Variants in ARID2 observed in about 807,000 individuals in gnomAD.
ARID2 encodes AT-rich interaction domain 2.
A neutral mutation model predicts 184.6 loss-of-function variants in ARID2; 32 were observed. The ratio of observed to expected loss-of-function variants is 0.17; its 90% confidence interval spans 0.13 to 0.23. The LOEUF is 0.23. Ranked by LOEUF, ARID2 falls within the 10% of genes least tolerant of loss-of-function variation. ARID2 has a pLI of 1.00. For missense variants in ARID2, 1,696 were observed against 2,197.6 expected, an observed-to-expected ratio of 0.77 and a Z score of 4.56; for synonymous variants, 836 against 772.6, an observed-to-expected ratio of 1.08 and a Z score of -1.36.
At chr12:45,863,323 C>T (rs1565629434) in intron 16 of ARID2, among the ~76,000 whole-genome samples, 1 of 152,278 alleles carries the variant, frequency 6.6e-6, no homozygotes, top group Middle Eastern at 3.4e-3. Context: ...AGAAATGGCT[C>T]TTATTCATAT....
rs574752910 is a variant in ARID2 at position 45,902,312 on chromosome 12, ATTAG to A, written c.5364-2618_5364-2615del. On this transcript the variant is annotated intron_variant, in intron 20 of 20. Coordinates refer to ENST00000334344, the MANE Select transcript of ARID2 (RefSeq NM_152641.4). Reference sequence around the variant, plus strand: ...AAACATTTATATCAAAAAGGAAATTATTAGTTACTTTAAAATCATCCTAGTGATT... The same window carrying A: ...AAACATTTATATCAAAAAGGAAATTATTACTTTAAAATCATCCTAGTGATT... 1.5e-3 allele frequency among the ~76,000 whole-genome samples: 229 copies of A among 152,312 alleles called. 2 individuals are homozygous for A. The highest frequency in any genetic ancestry group is 4.9e-3 in the African/African-American group (205 of 41,576).
rs1265181973 is a variant in ARID2, at chr12:45,790,842, GA to G, written c.285-20575del. ...AGAAAAACTTCCATCATTTAGATAT[GA>G]TTTTTTTTAATAATTCCCTTTATCA... On this transcript the variant is annotated intron_variant, in intron 3 of 20. Transcript: ENST00000334344. Among the ~76,000 whole-genome samples the G allele has an allele frequency of 9.2e-5, 14 of 152,228 alleles. No homozygotes were observed. In the East Asian group the frequency reaches 2.1e-3, roughly 23 times the overall value.
intron 6 of ARID2, among the ~76,000 whole-genome samples, chr12:45,835,483 C>A (rs987257848): frequency 6.6e-6 from 1 of 150,848 alleles, no homozygotes; most frequent in Non-Finnish European, 1.5e-5. Context: ...TTTTAAATGC[C>A]TAAGAACTTT....
At chr12:45,861,353 T>G (rs1488207268) in intron 16 of ARID2, among the ~76,000 whole-genome samples, 1 of 152,170 alleles carries the variant, frequency 6.6e-6, no homozygotes, top group African/African-American at 2.4e-5. Context: ...AGAGAATGAC[T>G]TGTCTTGAAT....
At chr12:45,782,117 A>G (rs1942103220) in intron 3 of ARID2, among the ~76,000 whole-genome samples, 1 of 152,178 alleles carries the variant, frequency 6.6e-6, no homozygotes, top group South Asian at 2.1e-4. Flanking sequence ...ATTTAAAAAG[A>G]TGACTTGTGA....
intron 20 of ARID2, among the ~76,000 whole-genome samples, chr12:45,904,617 G>A (rs1486817626): frequency 2.0e-5 from 3 of 151,456 alleles, no homozygotes; most frequent in African/African-American, 7.3e-5. Flanking sequence ...CTTGAACCCG[G>A]GAGGTGGAGG....
Position 45,821,526 on chromosome 12 carries a change from C to T in ARID2, c.705+39C>T, listed in dbSNP as rs773021082. On this transcript the variant is annotated intron_variant, in intron 6 of 20. Coordinates refer to ENST00000334344, the MANE Select transcript of ARID2 (RefSeq NM_152641.4). ...ATTAAAATGTTGATTCATTGAGTTA[C>T]ATGCAGCTAAGCCAACAATAGATCA... The T allele has an allele frequency of 2.3e-6, 3 of 1,332,224 alleles. No individual in the cohort carries two copies. In the East Asian group the frequency reaches 7.9e-5, roughly 35 times the overall value. 82.5% of individuals were successfully genotyped at this position (1,332,224 alleles called of 1,614,324 possible).
At chr12:45,766,497 G>T (rs1941772152) in intron 3 of ARID2, among the ~76,000 whole-genome samples, 1 of 150,464 alleles carries the variant, frequency 6.6e-6, no homozygotes, top group Admixed American at 6.6e-5. Context: ...AAATGATGGA[G>T]AGTAGATTTT....
In ARID2 at chr12:45,837,719, C is replaced by T. The variant is rs2138133077; in HGVS notation, c.1330+12C>T. The T allele has an allele frequency of 6.2e-7, 1 of 1,601,234 alleles. No individual in the cohort carries two copies. The highest frequency in any genetic ancestry group is 8.5e-7 in the Non-Finnish European group (1 of 1,171,056). ...AGAAAAGAGCATAGGTAAGACTGGA[C>T]CAAAAAACACTTATTTTCTTTATTG... On this transcript the variant is annotated intron_variant, in intron 10 of 20. Coordinates refer to ENST00000334344, the MANE Select transcript of ARID2 (RefSeq NM_152641.4).
intron 16 of ARID2, among the ~76,000 whole-genome samples, chr12:45,890,762 T>G (rs1434021756): frequency 6.6e-6 from 1 of 152,162 alleles, no homozygotes; most frequent in Non-Finnish European, 1.5e-5. Context: ...GGAATATTAA[T>G]TTGGGATACT....
chr12:45,788,259 C>T (rs1037298422), intron 3 of ARID2, among the ~76,000 whole-genome samples: 8 of 152,252 alleles, frequency 5.3e-5, no homozygotes, highest in African/African-American at 1.7e-4. Flanking sequence ...TTATTACATG[C>T]ATAGCAACTT....
At chr12:45,755,479 T>C (rs1243654860) in intron 3 of ARID2, among the ~76,000 whole-genome samples, 1 of 152,242 alleles carries the variant, frequency 6.6e-6, no homozygotes, top group Non-Finnish European at 1.5e-5. Flanking sequence ...CTTCAGAATC[T>C]GTGGTATCTT....
intron 3 of ARID2, among the ~76,000 whole-genome samples, chr12:45,758,540 A>G (rs1209767171): frequency 3.3e-5 from 5 of 152,240 alleles, no homozygotes; most frequent in African/African-American, 1.2e-4. Context: ...GTTAGGCTAC[A>G]GGTTTTATAG....
chr12:45,881,762 T>TCCTTC, intron 16 of ARID2: 1 of 184,528 alleles, frequency 5.4e-6, no homozygotes, highest in African/African-American at 2.4e-5. Flanking sequence ...TAGGCAACAT[T>TCCTTC]CCTTTCCTTG....
rs924943477 is a variant in ARID2, at chr12:45,812,124, C to T, written c.418+573C>T. Among the ~76,000 whole-genome samples, 35 of 151,416 alleles carry T rather than the reference C, an allele frequency of 2.3e-4. 1 individual carries two copies. The highest frequency in any genetic ancestry group is 8.5e-4 in the African/African-American group (35 of 41,226). ...AGACGGGCTCCAGTTTTCAGTGGCT[C>T]TGGAGGTCAGGACTGTGATGACTAG... On this transcript the variant is annotated intron_variant, in intron 4 of 20. Coordinates refer to ENST00000334344, the MANE Select transcript of ARID2 (RefSeq NM_152641.4).
intron 16 of ARID2, among the ~76,000 whole-genome samples, chr12:45,889,270 GT>G (rs1340906673): frequency 6.6e-6 from 1 of 152,096 alleles, no homozygotes; most frequent in Admixed American, 6.5e-5. Context: ...TCCCAGTTTT[GT>G]TTAAAAACAC....
rs2138168285 is a variant in ARID2 at position 45,851,148 on chromosome 12, G to A, written c.3025G>A (p.Val1009Met). The change falls in exon 15 of 21, where the codon GTG becomes ATG. Residue 1009 changes from valine to methionine, a missense_variant. Physicochemically the swap from Val to Met is conservative, Grantham distance 21. Transcript: ENST00000334344. ...TCCTACTGTCAGTCAAATGTTATCT[G>A]TGAAAAGGCAGCAACAGCAGCAACA... ...PPPTVSQMLSVKRQQQQQHSP... is the reference protein window; with the variant it reads ...PPPTVSQMLSMKRQQQQQHSP... The A allele has an allele frequency of 6.2e-7, 1 of 1,614,072 alleles. No individual in the cohort carries two copies. The highest frequency in any genetic ancestry group is 2.2e-5 in the East Asian group (1 of 44,868).
At chr12:45,854,348 CTG>C (rs1943607505) in intron 15 of ARID2, among the ~76,000 whole-genome samples, 1 of 152,168 alleles carries the variant, frequency 6.6e-6, no homozygotes. Context: ...ACTCCCTGGT[CTG>C]TGGAAAAATT....
chr12:45,753,950 A>G (rs1388142244), intron 3 of ARID2, among the ~76,000 whole-genome samples: 5 of 152,194 alleles, frequency 3.3e-5, no homozygotes, highest in Admixed American at 3.3e-4. Context: ...GCCATTTTCA[A>G]CATGATGAAG....
Sources: allele counts gnomAD v4.1 joint callset (sites outside exome capture counted in the v4.1 genomes callset), GRCh38; gene constraint gnomAD v4.1.1; transcripts MANE v1.5; gene names NCBI Gene and HGNC (gene_info 2026-07-23, HGNC 2026-07-21).